The following SORCS2 variants were observed in gnomAD, a reference collection of about 807,000 sequenced individuals.
SORCS2 encodes the protein VPS10 domain-containing receptor SorCS2.
Under a neutral mutation model 141.6 loss-of-function variants are expected in SORCS2, and 100 were observed. The ratio of observed to expected loss-of-function variants is 0.71; its 90% CI spans 0.60 to 0.83. The LOEUF (loss-of-function observed/expected upper bound fraction) is 0.83. Ranked by LOEUF, SORCS2 falls within the 40% of genes least tolerant of loss-of-function variation. SORCS2 has a pLI of 0.00. For synonymous variants in SORCS2, 789 were observed against 676.9 expected (o/e 1.17, Z -2.57); for missense variants, 1,646 against 1,560.2 (o/e 1.05, Z -0.93).
chr4:7,559,057 G>A (rs564789477), intron 3 of SORCS2, among the ~76,000 whole-genome samples: 60 of 152,272 alleles, frequency 3.9e-4, no homozygotes, highest in African/African-American at 1.3e-3. Flanking sequence ...TGCATCATTT[G>A]CTCTTGTTGG....
At chr4:7,552,701 T>C (rs1227397959) in intron 3 of SORCS2, among the ~76,000 whole-genome samples, 1 of 152,128 alleles carries the variant, frequency 6.6e-6, no homozygotes, top group Non-Finnish European at 1.5e-5. Flanking sequence ...ATCTCCTCAC[T>C]CATGCACGCT....
intron 2 of SORCS2, among the ~76,000 whole-genome samples, chr4:7,466,387 C>T (rs1729618861): frequency 6.6e-6 from 1 of 152,158 alleles, no homozygotes; most frequent in East Asian, 1.9e-4. Context: ...CCACATTCCG[C>T]TGGCCAGAGC....
intron 1 of SORCS2, among the ~76,000 whole-genome samples, chr4:7,340,798 C>T (rs1048423077): frequency 1.3e-5 from 2 of 152,232 alleles, no homozygotes; most frequent in African/African-American, 2.4e-5. Flanking sequence ...CTATTCCCAT[C>T]CTGCGCTTGG....
At chr4:7,471,500 C>T (rs1349614162) in intron 2 of SORCS2, among the ~76,000 whole-genome samples, 1 of 152,218 alleles carries the variant, frequency 6.6e-6, no homozygotes, top group Non-Finnish European at 1.5e-5. Context: ...GACAGCTGGG[C>T]CACGTCCCCT....
intron 4 of SORCS2, among the ~76,000 whole-genome samples, chr4:7,639,427 T>C (rs941305413): frequency 1.2e-4 from 6 of 50,424 alleles, no homozygotes; most frequent in Non-Finnish European, 1.6e-4. Flanking sequence ...TGTGTGTGTA[T>C]GCACACTTGT....
chr4:7,415,113 C>T (rs1725574760), intron 2 of SORCS2, among the ~76,000 whole-genome samples: 2 of 152,302 alleles, frequency 1.3e-5, no homozygotes, highest in South Asian at 4.2e-4. Context: ...AGGCTGGGAG[C>T]TGCCGGGGTT....
intron 10 of SORCS2, among the ~76,000 whole-genome samples, chr4:7,683,249 G>A (rs78814306): frequency 1.0e-4 from 8 of 78,860 alleles, no homozygotes; most frequent in Middle Eastern, 6.1e-3. Context: ...TCAGCTGAGC[G>A]GCTCTGCTGA....
At chr4:7,653,857 G>A (rs1163298543) in intron 4 of SORCS2, among the ~76,000 whole-genome samples, 1 of 152,212 alleles carries the variant, frequency 6.6e-6, no homozygotes, top group African/African-American at 2.4e-5. Flanking sequence ...CCACCTTTGA[G>A]GCTCAGACAC....
chr4:7,522,238 G>T (rs991615033), intron 2 of SORCS2, among the ~76,000 whole-genome samples: 3 of 152,220 alleles, frequency 2.0e-5, no homozygotes, highest in Non-Finnish European at 2.9e-5. Flanking sequence ...ACCCTGAGGA[G>T]GAGGGGTGGG....
At chr4:7,439,626 C>G (rs994581348) in intron 2 of SORCS2, among the ~76,000 whole-genome samples, 2 of 152,188 alleles carry the variant, frequency 1.3e-5, no homozygotes, top group East Asian at 1.9e-4. Flanking sequence ...GTTCTTGAAC[C>G]TCGCATTGGT....
chr4:7,463,990 C>A (rs1729465270), intron 2 of SORCS2, among the ~76,000 whole-genome samples: 1 of 152,136 alleles, frequency 6.6e-6, no homozygotes, highest in Non-Finnish European at 1.5e-5. Context: ...GGCTCCTCTC[C>A]TTTTTTGGTT....
At chr4:7,593,021 C>A (rs1432303607) in intron 3 of SORCS2, among the ~76,000 whole-genome samples, 1 of 152,124 alleles carries the variant, frequency 6.6e-6, no homozygotes, top group Non-Finnish European at 1.5e-5. Flanking sequence ...TTGTTAAAAC[C>A]TATATAATTT....
At position 7,261,313 on chromosome 4, in the gene SORCS2, A is replaced by G. The variant is rs983723997; in HGVS notation, c.480+68187A>G. On this transcript the variant is annotated intron_variant, in intron 1 of 26. Transcript: ENST00000507866. ...CAAAGGGAAGAGACGGGTCTCCCAG[A>G]GCAGCCCAGACAGGGCTCTGCGACG... Among the ~76,000 whole-genome samples the G allele has an allele frequency of 4.6e-5, 7 of 152,226 alleles. No individual in the cohort carries two copies. The East Asian group carries it at 1.2e-3, about 25-fold the overall frequency.
intron 21 of SORCS2, among the ~76,000 whole-genome samples, chr4:7,727,442 G>C (rs1290757876): frequency 1.3e-5 from 2 of 149,068 alleles, no homozygotes; most frequent in Non-Finnish European, 1.5e-5. Context: ...CCCCCCCCTT[G>C]TCAAGGAGGC....
chr4:7,708,147 C>A (rs991051296), intron 14 of SORCS2, among the ~76,000 whole-genome samples: 1 of 152,208 alleles, frequency 6.6e-6, no homozygotes, highest in Non-Finnish European at 1.5e-5. Context: ...TTAAACTCCA[C>A]GAGGTCGCCG....
At chr4:7,528,457 G>T (rs143998108) in intron 2 of SORCS2, among the ~76,000 whole-genome samples, 2 of 151,794 alleles carry the variant, frequency 1.3e-5, no homozygotes, top group Non-Finnish European at 2.9e-5. Context: ...ACGGAGTCTT[G>T]CTCTGTCACC....
At chr4:7,596,992 T>G (rs189912497) in intron 3 of SORCS2, among the ~76,000 whole-genome samples, 21 of 152,064 alleles carry the variant, frequency 1.4e-4, no homozygotes, top group African/African-American at 5.1e-4. Flanking sequence ...CCAAGAGCCA[T>G]GATGCGGTTG....
At chr4:7,589,234 T>C (rs1236519215) in intron 3 of SORCS2, among the ~76,000 whole-genome samples, 1 of 152,162 alleles carries the variant, frequency 6.6e-6, no homozygotes, top group African/African-American at 2.4e-5. Flanking sequence ...AGGTGAAATA[T>C]GACATCAACA....
At chr4:7,679,493 G>A (rs764736458) in intron 9 of SORCS2, among the ~76,000 whole-genome samples, 25 of 152,052 alleles carry the variant, frequency 1.6e-4, no homozygotes, top group Admixed American at 3.3e-4. Context: ...ATTATCCAAG[G>A]GACTCTAAAT....
Sources: allele counts gnomAD v4.1 joint callset (sites outside exome capture counted in the v4.1 genomes callset), GRCh38; gene constraint gnomAD v4.1.1; transcripts MANE v1.5; gene names NCBI Gene and HGNC (gene_info 2026-07-23, HGNC 2026-07-21).